The following DCC variants were observed in gnomAD, a reference collection of about 807,000 sequenced individuals.
DCC encodes the protein netrin receptor DCC.
Under a neutral mutation model 172.5 loss-of-function variants are expected in DCC, and 58 were observed. The observed-to-expected ratio is 0.34, with a 90% confidence interval of 0.27 to 0.42. The LOEUF (loss-of-function observed/expected upper bound fraction) is 0.42. Among genes scored for constraint, DCC ranks in the 10% least tolerant of loss-of-function variants. The probability of loss-of-function intolerance (pLI) is 1.00; values close to 1 mark genes in which losing one functional copy is unlikely to be tolerated. For synonymous variants in DCC, 709 were observed against 644.5 expected, an observed-to-expected ratio of 1.10 and a Z score of -1.52; for missense variants, 1,740 against 1,791.0, an observed-to-expected ratio of 0.97 and a Z score of 0.51.
chr18:52,508,763 G>A (rs1387955749), intron 1 of DCC, among the ~76,000 whole-genome samples: 1 of 152,158 alleles, frequency 6.6e-6, no homozygotes, highest in Non-Finnish European at 1.5e-5. Flanking sequence ...AAACAAATAA[G>A]ATTCTACTCT....
intron 8 of DCC, among the ~76,000 whole-genome samples, chr18:53,176,349 G>T (rs1347653281): frequency 7.3e-6 from 1 of 136,584 alleles, no homozygotes; most frequent in Non-Finnish European, 1.6e-5. Flanking sequence ...AAACTAAAGA[G>T]CTTCTGCACA....
intron 2 of DCC, among the ~76,000 whole-genome samples, chr18:52,828,791 T>C (rs116504490): frequency 1.1e-3 from 175 of 152,310 alleles, no homozygotes; most frequent in African/African-American, 3.5e-3. Flanking sequence ...GTTACTTTAG[T>C]AAGTGCTTTG....
rs200878561 is a variant in DCC, at chr18:52,906,241, C to A, written c.610C>A (p.Pro204Thr). 1.2e-6 allele frequency: 2 copies of A among 1,614,032 alleles called. No individual in the cohort carries two copies. Among genetic ancestry groups the A allele is most frequent in the Non-Finnish European group, 1.7e-6 (2 of 1,180,026 alleles). ...AGCATTGCAGATCAGCCGACTCCAA[C>A]CGGGGGACATTGGAATTTACCGATG... ...SGALQISRLQPGDIGIYRCSA... is the reference protein window; with the variant it reads ...SGALQISRLQTGDIGIYRCSA... Residue 204 changes from proline (P) to threonine (T), a missense_variant, in exon 3 of 29, where the codon CCG becomes ACG. Around this residue, in one of 2 missense-constraint regions of DCC, gnomAD observed 1,732 missense variants for 1,767.4 expected, o/e 0.98. Transcript: ENST00000442544.
chr18:53,133,918 T>C (rs2043697809), intron 7 of DCC, among the ~76,000 whole-genome samples: 2 of 152,180 alleles, frequency 1.3e-5, no homozygotes, highest in South Asian at 4.1e-4. Flanking sequence ...GAATTAAGAA[T>C]GCATGTCAGT....
At chr18:53,488,783 G>A (rs1036774688) in intron 26 of DCC, among the ~76,000 whole-genome samples, 1 of 152,194 alleles carries the variant, frequency 6.6e-6, no homozygotes, top group African/African-American at 2.4e-5. Flanking sequence ...ATGTGGGATA[G>A]GAGGCTTGTG....
chr18:52,428,251 G>A (rs1239949851), intron 1 of DCC, among the ~76,000 whole-genome samples: 1 of 151,998 alleles, frequency 6.6e-6, no homozygotes, highest in Non-Finnish European at 1.5e-5. Context: ...ACAGGTTGGT[G>A]AGCAGAATTA....
At chr18:52,489,338 C>T (rs1259573231) in intron 1 of DCC, among the ~76,000 whole-genome samples, 4 of 152,076 alleles carry the variant, frequency 2.6e-5, no homozygotes, top group Non-Finnish European at 4.4e-5. Flanking sequence ...TTAACCTGAC[C>T]TCAGTTTTCT....
At chr18:52,369,547 G>A (rs1985025807) in intron 1 of DCC, among the ~76,000 whole-genome samples, 1 of 151,984 alleles carries the variant, frequency 6.6e-6, no homozygotes, top group South Asian at 2.1e-4. Flanking sequence ...TTACAACGAT[G>A]TCACCAAACA....
intron 21 of DCC, among the ~76,000 whole-genome samples, chr18:53,422,707 C>A (rs182503005): frequency 6.6e-6 from 1 of 152,146 alleles, no homozygotes; most frequent in Non-Finnish European, 1.5e-5. Context: ...GCAGTCTAGT[C>A]AAGCTTGGAA....
intron 1 of DCC, among the ~76,000 whole-genome samples, chr18:52,450,463 A>G (rs1248475613): frequency 6.6e-6 from 1 of 152,238 alleles, no homozygotes; most frequent in Admixed American, 6.5e-5. Flanking sequence ...TATTAACTCT[A>G]TGCAATTATT....
intron 5 of DCC, among the ~76,000 whole-genome samples, chr18:52,930,889 G>A (rs962377307): frequency 1.3e-5 from 2 of 151,962 alleles, no homozygotes; most frequent in Non-Finnish European, 2.9e-5. Context: ...TTTATTCTAT[G>A]AACCATGCTA....
At chr18:53,324,339 T>C (rs1014431756) in intron 14 of DCC, among the ~76,000 whole-genome samples, 1 of 152,170 alleles carries the variant, frequency 6.6e-6, no homozygotes, top group Admixed American at 6.5e-5. Flanking sequence ...ACATTTCTTA[T>C]TAAAGGTCTA....
intron 11 of DCC, among the ~76,000 whole-genome samples, chr18:53,214,896 A>G (rs1455397957): frequency 6.6e-6 from 1 of 152,196 alleles, no homozygotes; most frequent in East Asian, 1.9e-4. Flanking sequence ...GAGTAGTTAA[A>G]TAAAAATGTA....
At chr18:52,572,752 C>G (rs529477778) in intron 1 of DCC, among the ~76,000 whole-genome samples, 42 of 152,304 alleles carry the variant, frequency 2.8e-4, no homozygotes, top group African/African-American at 9.1e-4. Flanking sequence ...AGAACAGGCT[C>G]TCTTCCTGGG....
chr18:52,800,149 TC>T (rs1234324809), intron 2 of DCC, among the ~76,000 whole-genome samples: 2 of 152,194 alleles, frequency 1.3e-5, no homozygotes, highest in Non-Finnish European at 2.9e-5. Flanking sequence ...ACTGCAGAGT[TC>T]CTAGTGAGAA....
chr18:53,502,698 T>A (rs532493207), intron 27 of DCC, among the ~76,000 whole-genome samples: 195 of 152,308 alleles, frequency 1.3e-3, no homozygotes, highest in African/African-American at 4.4e-3. Flanking sequence ...TATCTTTACT[T>A]ACCGCAAGTA....
At position 52,644,511 on chromosome 18, in the gene DCC, G is replaced by A. The variant is rs528533562; in HGVS notation, c.92-107543G>A. Among the ~76,000 whole-genome samples, 26 of 150,894 alleles carry A rather than the reference G, an allele frequency of 1.7e-4. No homozygotes were observed. The East Asian group carries it at 3.5e-3, about 21-fold the overall frequency. On this transcript the variant is annotated intron_variant, in intron 1 of 28. Coordinates refer to ENST00000442544, the MANE Select transcript of DCC (RefSeq NM_005215.4). ...GGAGAATGGCATGAACCTGGGAGGC[G>A]GAGCTTGCGGTGAACCGAGATTGCG...
intron 1 of DCC, among the ~76,000 whole-genome samples, chr18:52,662,275 G>A (rs1400979815): frequency 6.6e-6 from 1 of 152,148 alleles, no homozygotes; most frequent in Non-Finnish European, 1.5e-5. Flanking sequence ...ACTGTTCTAG[G>A]AGATTCAACA....
chr18:53,380,919 T>G (rs11662234), intron 15 of DCC, among the ~76,000 whole-genome samples: 69,689 of 152,002 alleles, frequency 0.46, 16,934 homozygotes, highest in Non-Finnish European at 0.54. Context: ...GCATAGTAGG[T>G]ATTGGTGAAA....
Sources: gnomAD v4.1 joint callset for allele counts (sites outside exome capture counted in the v4.1 genomes callset) on GRCh38, gnomAD v4.1.1 for gene constraint, gnomAD v4.1.1 regional missense constraint, MANE v1.5 for transcripts, NCBI Gene and HGNC (gene_info 2026-07-23, HGNC 2026-07-21) for gene names.